CRISPLD1: variants seen among roughly 807,000 people sequenced by gnomAD.
The protein encoded by CRISPLD1 is cysteine rich secretory protein LCCL domain containing 1.
In CRISPLD1, 60 loss-of-function variants were observed where a neutral mutation model predicts 77.5. The observed-to-expected ratio is 0.77, with a 90% CI of 0.63 to 0.96. The LOEUF (loss-of-function observed/expected upper bound fraction) is 0.96. Among genes scored for constraint, CRISPLD1 ranks in the 40% least tolerant of loss-of-function variants. The probability of loss-of-function intolerance (pLI) is 0.00; values close to 1 mark genes in which losing one functional copy is unlikely to be tolerated. For missense variants in CRISPLD1, 623 were observed against 615.8 expected (o/e 1.01, Z -0.12); for synonymous variants, 195 against 200.1 (o/e 0.97, Z 0.22).
At chr8:74,998,431 C>T (rs576172523) in intron 2 of CRISPLD1, among the ~76,000 whole-genome samples, 119 of 151,934 alleles carry the variant, frequency 7.8e-4, no homozygotes, top group African/African-American at 2.8e-3. Context: ...ATACCACGGC[C>T]GGTAATATCA....
Position 75,013,972 on chromosome 8 carries a change from AT to A in CRISPLD1, c.511-10del. On this transcript the variant is annotated splice_polypyrimidine_tract_variant and intron_variant, in intron 4 of 14. Transcript: ENST00000262207. ...TCAGCCTGCTTTTTCTGAGCCTTTC[AT>A]TTTTCTAACATAGGTCGTGTGGGCA... is the stretch of plus-strand genomic sequence containing the variant. 1.9e-6 allele frequency: 3 copies of A among 1,579,580 alleles called. No individual in the cohort carries two copies. The highest frequency in any genetic ancestry group is 2.6e-6 in the Non-Finnish European group (3 of 1,149,962).
intron 13 of CRISPLD1, 120 bp from the exon 14 acceptor site, chr8:75,029,267 T>C: frequency 2.1e-6 from 2 of 973,774 alleles, no homozygotes; most frequent in Non-Finnish European, 3.0e-6. Context: ...CTGTAGCTGC[T>C]CACTGGCTAT....
intron 13 of CRISPLD1, among the ~76,000 whole-genome samples, chr8:75,029,099 T>C (rs1444473217): frequency 6.6e-6 from 1 of 152,192 alleles, no homozygotes; most frequent in Non-Finnish European, 1.5e-5. Context: ...GCTTTGATAC[T>C]CTAAAGCCTA....
At chr8:75,012,591 T>C (rs749660118) in intron 3 of CRISPLD1, 40 bp downstream of exon 3, 1 of 1,310,906 alleles carries the variant, frequency 7.6e-7, no homozygotes, top group East Asian at 2.3e-5. Context: ...AAAAAATAAG[T>C]GTTTAAAATG....
In CRISPLD1 at chr8:75,014,817, A is replaced by G; in HGVS notation, c.632A>G (p.Asn211Ser). ...YLVCNYSPKGNWWGHAPYKHG... is the reference protein window; with the variant it reads ...YLVCNYSPKGSWWGHAPYKHG... ...GAGCGTATCATCTCTTAAAGGGGAA[A>G]CTGGTGGGGCCATGCCCCTTACAAA... Residue 211 changes from asparagine (N) to serine (S), a missense_variant, in exon 6 of 15, where the codon AAC becomes AGC. By Grantham distance (46) the Asn-to-Ser change is conservative. Coordinates refer to ENST00000262207, the MANE Select transcript of CRISPLD1 (RefSeq NM_031461.6). 1.3e-6 allele frequency: 2 copies of G among 1,599,986 alleles called. No homozygotes were observed. The highest frequency in any genetic ancestry group is 1.7e-6 in the Non-Finnish European group (2 of 1,174,004).
At chr8:75,014,165 C>A in intron 5 of CRISPLD1, 63 bp downstream of exon 5, 1 of 1,032,436 alleles carries the variant, frequency 9.7e-7, no homozygotes, top group Non-Finnish European at 1.5e-6. Flanking sequence ...AATACCTTTA[C>A]GTTCCTGATT....
chr8:75,019,898 GTC>G lies in CRISPLD1; in HGVS notation c.1160_1161del (p.Ser387Ter), dbSNP rs1226411864. 6.2e-7 allele frequency: 1 copy of G among 1,613,198 alleles called. No homozygotes were observed. The highest frequency in any genetic ancestry group is 8.5e-7 in the Non-Finnish European group (1 of 1,179,392). ...GKYQSANSFT[V>X]SKVTVQAVTC... ...ATATCAGTCTGCTAATTCCTTCACA[GTC>G]TCTAAAGTAACAGGTTAGCACATTC... On this transcript the variant is annotated frameshift_variant, in exon 11 of 15. Coordinates refer to ENST00000262207, the MANE Select transcript of CRISPLD1 (RefSeq NM_031461.6). LOFTEE classifies it high-confidence loss of function.
At chr8:75,000,074 C>T (rs1667500961) in intron 2 of CRISPLD1, 2 of 901,438 alleles carry the variant, frequency 2.2e-6, no homozygotes, top group Non-Finnish European at 2.6e-6. Context: ...TTAGGCAAGA[C>T]CAGGAGTGAA....
rs10651923 is a variant in CRISPLD1 at position 75,011,108 on chromosome 8, C to CTTT, written c.259-1318_259-1316dup. On this transcript the variant is annotated intron_variant, in intron 2 of 14. Transcript: ENST00000262207. Reference sequence around the variant, plus strand: ...TATCAAGTTCTAGGAGTTTAAATTTCTTTTTTTTTGTATCTTTATTATTAT... The same window carrying CTTT: ...TATCAAGTTCTAGGAGTTTAAATTTCTTTTTTTTTTTTGTATCTTTATTATTAT... 5.7e-3 allele frequency among the ~76,000 whole-genome samples: 858 copies of CTTT among 149,822 alleles called. 23 individuals are homozygous for CTTT. The East Asian group carries it at 0.083, about 15-fold the overall frequency.
intron 14 of CRISPLD1, among the ~76,000 whole-genome samples, 183 bp downstream of exon 14, chr8:75,029,700 C>A (rs1813299825): frequency 6.6e-6 from 1 of 152,082 alleles, no homozygotes; most frequent in Non-Finnish European, 1.5e-5. Context: ...GCTGTAGTAC[C>A]AGAGGTGCCT....
At chr8:75,010,046 A>G (rs1812901580) in intron 2 of CRISPLD1, among the ~76,000 whole-genome samples, 1 of 152,106 alleles carries the variant, frequency 6.6e-6, no homozygotes, top group African/African-American at 2.4e-5. Context: ...AATATTTGAC[A>G]CTAATTGAAA....
At chr8:75,012,820 AT>A in intron 3 of CRISPLD1, 69 bp from the exon 4 acceptor site, 1 of 1,514,810 alleles carries the variant, frequency 6.6e-7, no homozygotes, top group South Asian at 1.3e-5. Flanking sequence ...ATACCAATGT[AT>A]TTTGCAATAT....
intron 6 of CRISPLD1, 57 bp from the exon 7 acceptor site, chr8:75,016,508 T>A: frequency 6.9e-7 from 1 of 1,449,002 alleles, no homozygotes; most frequent in Non-Finnish European, 9.4e-7. Context: ...TATTATTTGA[T>A]AATTCATGCA....
At position 75,017,051 on chromosome 8, in the gene CRISPLD1, G is replaced by A. The variant is rs878857283; in HGVS notation, c.934G>A (p.Glu312Lys). 4.3e-6 allele frequency: 7 copies of A among 1,611,700 alleles called. No homozygotes were observed. Among genetic ancestry groups the A allele is most frequent in the African/African-American group, 2.7e-5 (2 of 74,970 alleles). The part of the protein sequence containing the change: ...QCKGTTCNRY[E>K]CPAGCLDSKA... Reference sequence around the variant, plus strand: ...TGCCCAATTACTTTTATTTAGGTACGAATGTCCTGCTGGCTGTTTGGATAG... The same window carrying A: ...TGCCCAATTACTTTTATTTAGGTACAAATGTCCTGCTGGCTGTTTGGATAG... The change falls in exon 9 of 15, where the codon GAA (glutamate) becomes AAA (lysine). Residue 312 changes from glutamate to lysine, a missense_variant. Physicochemically the swap from Glu to Lys is moderately conservative, Grantham distance 56 (BLOSUM62 1). Transcript: ENST00000262207.
chr8:75,029,481 A>G lies in CRISPLD1; in HGVS notation c.1415A>G (p.Tyr472Cys), dbSNP rs1236672227. The G allele has an allele frequency of 2.5e-6, 4 of 1,613,758 alleles. No individual in the cohort carries two copies. Among genetic ancestry groups the G allele is most frequent in the South Asian group, 2.2e-5 (2 of 91,068 alleles). Residue 472 changes from tyrosine to cysteine, a missense_variant, in exon 14 of 15, where the codon TAC becomes TGC. Physicochemically the swap from Tyr to Cys is radical, Grantham distance 194 (BLOSUM62 -2). Transcript: ENST00000262207. ...ATGCCTGTGGACAAAAGAAAGACCT[A>G]CATTGCTTCTTTTCAGAATGGAATC... Reference protein sequence around the residue: ...DVMPVDKRKTYIASFQNGIFS... With the variant: ...DVMPVDKRKTCIASFQNGIFS...
At chr8:75,027,505 G>C (rs1246642138) in intron 13 of CRISPLD1, among the ~76,000 whole-genome samples, 1 of 152,142 alleles carries the variant, frequency 6.6e-6, no homozygotes, top group Non-Finnish European at 1.5e-5. Flanking sequence ...CTATTTGCTA[G>C]AGTTAAGGTT....
At chr8:75,016,409 T>A (rs1813027313) in intron 6 of CRISPLD1, among the ~76,000 whole-genome samples, 156 bp from the exon 7 acceptor site, 1 of 152,180 alleles carries the variant, frequency 6.6e-6, no homozygotes, top group Non-Finnish European at 1.5e-5. Context: ...CTGCAGTACC[T>A]AAGATCACCA....
At chr8:74,999,042 G>T (rs1385473676) in intron 2 of CRISPLD1, among the ~76,000 whole-genome samples, 1 of 152,110 alleles carries the variant, frequency 6.6e-6, no homozygotes, top group African/African-American at 2.4e-5. Context: ...ACAGATGGTT[G>T]TACAGGAATC....
chr8:75,023,655 T>A (rs748731572), intron 12 of CRISPLD1, among the ~76,000 whole-genome samples: 2 of 152,166 alleles, frequency 1.3e-5, no homozygotes, highest in Non-Finnish European at 2.9e-5. Context: ...CTGAAGTATA[T>A]TTAGAATACT....
Sources: gnomAD v4.1 joint callset for allele counts (sites outside exome capture counted in the v4.1 genomes callset) on GRCh38, gnomAD v4.1.1 for gene constraint, MANE v1.5 for transcripts, NCBI Gene and HGNC (gene_info 2026-07-23, HGNC 2026-07-21) for gene names.